Variants in ROBO2 observed in about 807,000 individuals in gnomAD.
The protein encoded by ROBO2 is roundabout guidance receptor 2.
In ROBO2, 53 loss-of-function variants were observed where a neutral mutation model predicts 160.8. The observed-to-expected ratio is 0.33, with a 90% CI of 0.26 to 0.41. ROBO2 has a LOEUF of 0.41. Among genes scored for constraint, ROBO2 ranks in the 10% least tolerant of loss-of-function variants. The pLI is 1.00. For synonymous variants in ROBO2, 664 were observed against 611.7 expected (o/e 1.09, Z -1.26); for missense variants, 1,577 against 1,722.4 (o/e 0.92, Z 1.49).
chr3:77,290,792 AG>A, intron 2 of ROBO2, among the ~76,000 whole-genome samples: 2 of 99,396 alleles, frequency 2.0e-5, no homozygotes, highest in Non-Finnish European at 4.4e-5. Context: ...GGGTAAGCTG[AG>A]GCTAGATCAC....
chr3:75,973,080 G>A (rs985265464), intron 2 of ROBO2, among the ~76,000 whole-genome samples: 1 of 151,684 alleles, frequency 6.6e-6, no homozygotes, highest in Non-Finnish European at 1.5e-5. Flanking sequence ...AGAAGACATA[G>A]AGTCAAAGGA....
chr3:77,199,138 G>C (rs1442369956), intron 2 of ROBO2, among the ~76,000 whole-genome samples: 1 of 152,164 alleles, frequency 6.6e-6, no homozygotes, highest in African/African-American at 2.4e-5. Flanking sequence ...TAAAGTGTTT[G>C]CTCCTCTGGT....
At chr3:76,462,961 C>G (rs1380536381) in intron 2 of ROBO2, among the ~76,000 whole-genome samples, 4 of 152,168 alleles carry the variant, frequency 2.6e-5, no homozygotes, top group African/African-American at 7.2e-5. Flanking sequence ...TTGTTTACAG[C>G]CCTAGCATCC....
chr3:77,588,504 C>T (rs1308409974), intron 16 of ROBO2, among the ~76,000 whole-genome samples: 6 of 150,708 alleles, frequency 4.0e-5, no homozygotes, highest in East Asian at 2.0e-4. Context: ...AAATCAACTA[C>T]GTTGTGAATC....
intron 5 of ROBO2, among the ~76,000 whole-genome samples, chr3:77,494,224 C>T (rs542039903): frequency 6.6e-6 from 1 of 152,208 alleles, no homozygotes; most frequent in South Asian, 2.1e-4. Context: ...ATGCATTCTC[C>T]AATTACTGCC....
intron 2 of ROBO2, among the ~76,000 whole-genome samples, chr3:76,743,162 A>C (rs1318484424): frequency 1.3e-5 from 2 of 152,102 alleles, no homozygotes; most frequent in Non-Finnish European, 2.9e-5. Flanking sequence ...CTGTGATTGG[A>C]TAACTTAAGT....
chr3:77,217,230 C>T (rs1250390533), intron 2 of ROBO2, among the ~76,000 whole-genome samples: 2 of 152,028 alleles, frequency 1.3e-5, no homozygotes, highest in Non-Finnish European at 2.9e-5. Context: ...GCAACCTCTG[C>T]CTCCTGGGTT....
At chr3:76,358,728 G>A (rs989326267) in intron 2 of ROBO2, among the ~76,000 whole-genome samples, 2 of 151,890 alleles carry the variant, frequency 1.3e-5, no homozygotes, top group African/African-American at 4.8e-5. Flanking sequence ...ATAGGCATTA[G>A]AATTTGAAGT....
Position 76,420,439 on chromosome 3 carries a change from G to C in ROBO2, c.109+482837G>C, listed in dbSNP as rs548623842. 4.3e-4 allele frequency among the ~76,000 whole-genome samples: 65 copies of C among 152,316 alleles called. 1 individual carries two copies. Among genetic ancestry groups the C allele is most frequent in the African/African-American group, 1.5e-3 (63 of 41,566 alleles). On this transcript the variant is annotated intron_variant, in intron 2 of 26. Coordinates refer to the ROBO2 transcript ENST00000487694. ...ATGACGTGTTAAAATTGCCGGCATT[G>C]ATCTACTTCTGTGTAAGATGTTAGT...
intron 2 of ROBO2, among the ~76,000 whole-genome samples, chr3:76,669,898 GCCTTTAATTAAGGGAGA>G (rs1463811328): frequency 6.6e-6 from 1 of 152,166 alleles, no homozygotes; most frequent in Non-Finnish European, 1.5e-5. Context: ...TTGAAGCAGA[GCCTTTAATTAAGGGAGA>G]CTTGTTTTCT....
chr3:77,221,548 C>T (rs894957988), intron 2 of ROBO2, among the ~76,000 whole-genome samples: 3 of 152,114 alleles, frequency 2.0e-5, no homozygotes, highest in Non-Finnish European at 4.4e-5. Flanking sequence ...CCTCTTCTCT[C>T]TCTCTCTGTT....
intron 2 of ROBO2, among the ~76,000 whole-genome samples, chr3:76,279,069 AAC>A (rs567146319): frequency 1.1e-3 from 173 of 151,694 alleles, no homozygotes; most frequent in Non-Finnish European, 1.7e-3. Flanking sequence ...AGAAAATACA[AAC>A]ACATATTTTA....
intron 2 of ROBO2, among the ~76,000 whole-genome samples, chr3:76,198,997 A>T (rs1702390784): frequency 6.6e-6 from 1 of 152,172 alleles, no homozygotes; most frequent in Non-Finnish European, 1.5e-5. Context: ...GGGCTGGGCT[A>T]TGAGTCCTAT....
intron 2 of ROBO2, among the ~76,000 whole-genome samples, chr3:77,307,740 G>A (rs958596688): frequency 2.0e-5 from 3 of 152,060 alleles, no homozygotes; most frequent in Non-Finnish European, 4.4e-5. Flanking sequence ...AAAATTAGCT[G>A]AGCATGGTGG....
chr3:76,518,609 G>A (rs1455872655), intron 2 of ROBO2, among the ~76,000 whole-genome samples: 1 of 152,050 alleles, frequency 6.6e-6, no homozygotes, highest in Non-Finnish European at 1.5e-5. Flanking sequence ...TCATATGGTG[G>A]TTTTACCTCT....
chr3:76,945,769 A>G (rs1209646443), intron 2 of ROBO2, among the ~76,000 whole-genome samples: 2 of 152,228 alleles, frequency 1.3e-5, no homozygotes, highest in African/African-American at 4.8e-5. Flanking sequence ...TGCAAGTTCC[A>G]TTTGGTCTTC....
chr3:76,142,945 A>AAAAT (rs954998420), intron 2 of ROBO2, among the ~76,000 whole-genome samples: 74 of 152,010 alleles, frequency 4.9e-4, no homozygotes, highest in African/African-American at 1.7e-3. Context: ...TGTACCCACA[A>AAAAT]AAATAAAAAT....
At chr3:77,457,931 G>T (rs1045660606) in intron 2 of ROBO2, among the ~76,000 whole-genome samples, 5 of 152,048 alleles carry the variant, frequency 3.3e-5, no homozygotes, top group African/African-American at 1.2e-4. Flanking sequence ...AATTATCACT[G>T]TGGGCAAATA....
intron 2 of ROBO2, among the ~76,000 whole-genome samples, chr3:77,154,961 A>G (rs1410333571): frequency 1.3e-5 from 2 of 151,922 alleles, no homozygotes; most frequent in Non-Finnish European, 2.9e-5. Flanking sequence ...CTCCAAACCT[A>G]AGCATTACAC....
Sources: allele counts gnomAD v4.1 joint callset (sites outside exome capture counted in the v4.1 genomes callset), GRCh38; gene constraint gnomAD v4.1.1; transcripts MANE v1.5; gene names NCBI Gene and HGNC (gene_info 2026-07-23, HGNC 2026-07-21).